Variants in NEK7 observed in about 807,000 individuals in gnomAD.
The protein encoded by NEK7 is NIMA related kinase 7.
In NEK7, 18 loss-of-function variants were observed where a neutral mutation model predicts 44.6. The observed-to-expected ratio is 0.40, with a 90% CI of 0.28 to 0.60. The LOEUF (loss-of-function observed/expected upper bound fraction) is 0.60, where lower values mean the gene tolerates loss of function less well. Ranked by LOEUF, NEK7 falls within the 20% of genes least tolerant of loss-of-function variation. The pLI is 0.38. For missense variants in NEK7, 256 were observed against 366.5 expected (o/e 0.70, Z 2.46); for synonymous variants, 130 against 121.1 (o/e 1.07, Z -0.48).
chr1:198,256,973 A>G (rs993228718), intron 3 of NEK7, among the ~76,000 whole-genome samples: 7 of 152,188 alleles, frequency 4.6e-5, no homozygotes, highest in Non-Finnish European at 1.0e-4. Flanking sequence ...GTGTTACAGT[A>G]GTGTGAATTT....
chr1:198,262,039 A>C (rs998658121), intron 3 of NEK7, among the ~76,000 whole-genome samples: 1 of 151,916 alleles, frequency 6.6e-6, no homozygotes, highest in Admixed American at 6.6e-5. Flanking sequence ...GAATGCATGC[A>C]TCAGACCTTT....
chr1:198,182,558 A>G (rs113435341), intron 1 of NEK7, among the ~76,000 whole-genome samples: 1,641 of 152,238 alleles, frequency 0.011, 12 homozygotes, highest in Non-Finnish European at 0.018. Flanking sequence ...TGATTTCTAC[A>G]TGTATGAAAA....
chr1:198,311,843 T>C (rs1406085772), intron 9 of NEK7, among the ~76,000 whole-genome samples: 1 of 152,158 alleles, frequency 6.6e-6, no homozygotes, highest in Non-Finnish European at 1.5e-5. Flanking sequence ...GGTTTGCCAG[T>C]ATTTTATTGA....
At chr1:198,295,753 G>A (rs1654697673) in intron 8 of NEK7, among the ~76,000 whole-genome samples, 2 of 151,018 alleles carry the variant, frequency 1.3e-5, no homozygotes, top group Non-Finnish European at 2.9e-5. Context: ...TATATATACA[G>A]TGTATTTTTA....
intron 5 of NEK7, among the ~76,000 whole-genome samples, chr1:198,267,782 C>T (rs535489614): frequency 2.6e-5 from 4 of 152,114 alleles, no homozygotes; most frequent in African/African-American, 9.6e-5. Flanking sequence ...TCAGAAGACC[C>T]TCTTAAGTCC....
chr1:198,249,719 C>A (rs982016617), intron 2 of NEK7, among the ~76,000 whole-genome samples: 2 of 147,442 alleles, frequency 1.4e-5, no homozygotes, highest in Non-Finnish European at 3.0e-5. Context: ...CCTTCACCCA[C>A]TTTTTGATGG....
At chr1:198,214,824 A>G (rs1354504380) in intron 1 of NEK7, among the ~76,000 whole-genome samples, 1 of 152,220 alleles carries the variant, frequency 6.6e-6, no homozygotes, top group African/African-American at 2.4e-5. Context: ...CAAGAAGCCC[A>G]AAGAACTCCT....
intron 2 of NEK7, among the ~76,000 whole-genome samples, chr1:198,252,642 T>C (rs1310366037): frequency 7.1e-6 from 1 of 141,678 alleles, no homozygotes; most frequent in Non-Finnish European, 1.5e-5. Context: ...TTTTATATAT[T>C]AAAACATATA....
chr1:198,266,437 T>C (rs1273996934), intron 5 of NEK7, among the ~76,000 whole-genome samples: 4 of 152,110 alleles, frequency 2.6e-5, no homozygotes, highest in African/African-American at 9.7e-5. Flanking sequence ...TCATGGCTTT[T>C]TGGAACTCAT....
intron 9 of NEK7, among the ~76,000 whole-genome samples, chr1:198,311,480 T>C (rs866434689): frequency 6.6e-6 from 1 of 151,600 alleles, no homozygotes; most frequent in African/African-American, 2.4e-5. Context: ...CTATGTTGAA[T>C]AGGAGTGGTG....
At position 198,230,481 on chromosome 1, in the gene NEK7, ATTC is replaced by A. The variant is rs532083505; in HGVS notation, c.-28-2069_-28-2067del. 4.0e-3 allele frequency among the ~76,000 whole-genome samples: 610 copies of A among 152,262 alleles called. 7 individuals are homozygous for A. The highest frequency in any genetic ancestry group is 0.014 in the African/African-American group (580 of 41,572). ...ATTTTTTAATAAAAATCTAACATCT[ATTC>A]TTTGTAAAAACTTCCAGCAAACAAT... On this transcript the variant is annotated intron_variant, in intron 1 of 9. Transcript: ENST00000367385.
chr1:198,313,010 C>T (rs1655239783), intron 9 of NEK7, among the ~76,000 whole-genome samples: 1 of 151,828 alleles, frequency 6.6e-6, no homozygotes, highest in Non-Finnish European at 1.5e-5. Context: ...CTTTCTGTCT[C>T]GTTGATCTGT....
Position 198,262,602 on chromosome 1 carries a change from CG to C in NEK7, c.227del (p.Arg76LeufsTer8). Reference protein sequence around the residue: ...QIFDLMDAKARADCIKEIDLL... With the variant: ...QIFDLMDAKAXADCIKEIDLL... ...ATTTGATTTAATGGATGCCAAAGCA[CG>C]TGCTGATTGCATCAAAGAAATAGAT... On this transcript the variant is annotated frameshift_variant, in exon 4 of 10. Coordinates refer to ENST00000367385, the MANE Select transcript of NEK7 (RefSeq NM_133494.3). LOFTEE classifies it high-confidence loss of function. 1 of 1,596,678 alleles carries C rather than the reference CG, an allele frequency of 6.3e-7. No homozygotes were observed. Among genetic ancestry groups the C allele is most frequent in the Non-Finnish European group, 8.6e-7 (1 of 1,168,790 alleles).
At chr1:198,226,419 C>T (rs1666226430) in intron 1 of NEK7, among the ~76,000 whole-genome samples, 2 of 151,922 alleles carry the variant, frequency 1.3e-5, no homozygotes, top group African/African-American at 4.8e-5. Flanking sequence ...GTGGCACACA[C>T]CTGTAATCCT....
intron 1 of NEK7, among the ~76,000 whole-genome samples, chr1:198,211,410 A>C (rs1665766435): frequency 6.6e-6 from 1 of 152,166 alleles, no homozygotes; most frequent in Admixed American, 6.5e-5. Flanking sequence ...CATTGATTAC[A>C]CTCACAGATT....
intron 1 of NEK7, among the ~76,000 whole-genome samples, chr1:198,174,727 A>G (rs748157511): frequency 4.0e-5 from 6 of 151,886 alleles, no homozygotes; most frequent in Non-Finnish European, 8.8e-5. Flanking sequence ...ATGGATAGGA[A>G]AGCATTGTGT....
At chr1:198,251,290 G>A in intron 2 of NEK7, among the ~76,000 whole-genome samples, 1 of 151,666 alleles carries the variant, frequency 6.6e-6, no homozygotes, top group African/African-American at 2.4e-5. Flanking sequence ...GTATTTTATT[G>A]AGGATTTTTG....
At chr1:198,204,514 T>C (rs990241897) in intron 1 of NEK7, among the ~76,000 whole-genome samples, 1 of 152,088 alleles carries the variant, frequency 6.6e-6, no homozygotes, top group African/African-American at 2.4e-5. Flanking sequence ...GGTCGGGAGA[T>C]GGAGACCATC....
chr1:198,255,842 G>A (rs1653243642), intron 3 of NEK7, among the ~76,000 whole-genome samples: 1 of 152,084 alleles, frequency 6.6e-6, no homozygotes, highest in African/African-American at 2.4e-5. Flanking sequence ...TTAAACCTTT[G>A]TAAGGAGAAA....
Sources: gnomAD v4.1 joint callset for allele counts (sites outside exome capture counted in the v4.1 genomes callset) on GRCh38, gnomAD v4.1.1 for gene constraint, MANE v1.5 for transcripts, NCBI Gene and HGNC (gene_info 2026-07-23, HGNC 2026-07-21) for gene names.